Variants in VPS29 observed in about 807,000 individuals in gnomAD.
VPS29 encodes the protein vacuolar protein sorting-associated protein 29.
In VPS29, 2 loss-of-function variants were observed where a neutral mutation model predicts 20.0. The ratio of observed to expected loss-of-function variants is 0.10; its 90% CI spans 0.04 to 0.31. The LOEUF (loss-of-function observed/expected upper bound fraction) is 0.31. Ranked by LOEUF, VPS29 falls within the 10% of genes least tolerant of loss-of-function variation. VPS29 has a pLI of 1.00. For missense variants in VPS29, 120 were observed against 215.3 expected (o/e 0.56, Z 2.77); for synonymous variants, 81 against 79.3 (o/e 1.02, Z -0.12).
intron 1 of VPS29, among the ~76,000 whole-genome samples, chr12:110,498,252 G>A (rs996987050): frequency 1.4e-4 from 21 of 152,132 alleles, no homozygotes; most frequent in Non-Finnish European, 1.5e-5. Flanking sequence ...GATTATAGGC[G>A]TGAGCCACTG....
At chr12:110,492,913 C>T in intron 3 of VPS29, 83 bp downstream of exon 3, 4 of 1,288,592 alleles carry the variant, frequency 3.1e-6, no homozygotes, top group Non-Finnish European at 3.2e-6. Context: ...AGCCACTGTG[C>T]CCAGCCACAT....
intron 1 of VPS29, 171 bp from the exon 2 acceptor site, chr12:110,496,374 G>A (rs963448120): frequency 3.8e-5 from 21 of 558,654 alleles, no homozygotes; most frequent in African/African-American, 9.4e-5. Context: ...GAATCTGTAC[G>A]TATTTTTCTT....
Position 110,491,983 on chromosome 12 carries a change from AATC to A in VPS29, c.*19_*21del. On this transcript the variant is annotated 3_prime_UTR_variant, in exon 4 of 4. Transcript: ENST00000549578. The stretch of plus-strand genomic sequence containing the variant: ...AACAGGACAATGAAAAAAAACCAAA[AATC>A]ATCAAGACAGGCCTGGCTTTAAGGT... 6.3e-7 allele frequency: 1 copy of A among 1,593,378 alleles called. No homozygotes were observed. The highest frequency in any genetic ancestry group is 8.6e-7 in the Non-Finnish European group (1 of 1,166,430).
chr12:110,495,929 G>A, intron 2 of VPS29, 83 bp downstream of exon 2: 2 of 1,284,456 alleles, frequency 1.6e-6, no homozygotes, highest in Non-Finnish European at 2.1e-6. Context: ...TACCAGTTGA[G>A]AAACCCTGGT....
Position 110,501,286 on chromosome 12 carries a change from G to A in VPS29, c.3+763C>T, listed in dbSNP as rs2063032405. ...GCACCAAACTACTGGGGGTGAAGGG[G>A]TGATTGCTTGAAGGTGGCTGGGGGA... On this transcript the variant is annotated intron_variant, in intron 1 of 3. Coordinates refer to ENST00000549578, the MANE Select transcript of VPS29 (RefSeq NM_016226.5). 3 of 1,194,156 alleles carry A rather than the reference G, an allele frequency of 2.5e-6. No homozygotes were observed. The East Asian group carries it at 7.6e-5, about 30-fold the overall frequency. 74.0% of individuals were successfully genotyped at this position (1,194,156 alleles called of 1,614,324 possible).
chr12:110,491,848 A>G lies in VPS29; in HGVS notation c.*157T>C, dbSNP rs2135563426. 1 of 615,674 alleles carries G rather than the reference A, an allele frequency of 1.6e-6. No individual in the cohort carries two copies. The highest frequency in any genetic ancestry group is 1.9e-5 in the African/African-American group (1 of 53,972). 38.1% of individuals were successfully genotyped at this position (615,674 alleles called of 1,614,324 possible). ...TAAATATATTCTTATAGTTTACAGG[A>G]AGCTTGGAGCAATTATGTATTAACA... On this transcript the variant is annotated 3_prime_UTR_variant, in exon 4 of 4. Transcript: ENST00000549578.
chr12:110,491,756 T>G lies in VPS29; in HGVS notation c.*249A>C, dbSNP rs1222576206. The G allele has an allele frequency of 2.8e-6, 1 of 362,098 alleles. No individual in the cohort carries two copies. The highest frequency in any genetic ancestry group is 4.9e-6 in the Non-Finnish European group (1 of 202,184). 22.4% of individuals were successfully genotyped at this position (362,098 alleles called of 1,614,324 possible). A position where few individuals can be genotyped will look rare whatever the true frequency, so the allele number is the denominator to read the frequency against. ...CTTTGAAGATACTTACAAGGATAAA[T>G]TTTTCTTAACAAGTGACCAATTACT... On this transcript the variant is annotated 3_prime_UTR_variant, in exon 4 of 4. Coordinates refer to ENST00000549578, the MANE Select transcript of VPS29 (RefSeq NM_016226.5).
chr12:110,501,322 G>T, intron 1 of VPS29: 1 of 1,492,456 alleles, frequency 6.7e-7, no homozygotes, highest in Non-Finnish European at 9.0e-7. Flanking sequence ...GACTAGGTAA[G>T]TCTCCAACAC....
At chr12:110,492,969 C>G (rs1437079314) in intron 3 of VPS29, 27 bp downstream of exon 3, 1 of 1,567,226 alleles carries the variant, frequency 6.4e-7, no homozygotes, top group Non-Finnish European at 8.7e-7. Context: ...CTAAAGCCCC[C>G]AAATTCCCAA....
chr12:110,493,843 T>C (rs970747709), intron 2 of VPS29, among the ~76,000 whole-genome samples: 2 of 152,196 alleles, frequency 1.3e-5, no homozygotes, highest in Non-Finnish European at 2.9e-5. Context: ...GTGATTTTCC[T>C]TTACCTAAGG....
intron 3 of VPS29, 199 bp downstream of exon 3, chr12:110,492,797 A>T: frequency 2.1e-6 from 1 of 482,562 alleles, no homozygotes; most frequent in Non-Finnish European, 3.6e-6. Flanking sequence ...AATTTTTAAA[A>T]TTTTTTTGTA....
In VPS29 at chr12:110,495,339, T is replaced by A. The variant is rs575771826; in HGVS notation, c.195+673A>T. On this transcript the variant is annotated intron_variant, in intron 2 of 3. Transcript: ENST00000549578. ...AAGGAGCAAGGGTAGAATTAGGAAG[T>A]TGGAATACAAGAAAATGATACAGTG... Among the ~76,000 whole-genome samples the A allele has an allele frequency of 2.0e-5, 3 of 152,252 alleles. No homozygotes were observed. In the South Asian group the frequency reaches 6.2e-4, roughly 32 times the overall value.
chr12:110,498,485 T>C (rs2062943739), intron 1 of VPS29, among the ~76,000 whole-genome samples: 1 of 152,138 alleles, frequency 6.6e-6, no homozygotes, highest in Non-Finnish European at 1.5e-5. Context: ...TGAAAATTAA[T>C]CAAACAAACA....
chr12:110,493,808 G>A (rs971522001), intron 2 of VPS29, among the ~76,000 whole-genome samples: 4 of 152,138 alleles, frequency 2.6e-5, no homozygotes, highest in African/African-American at 9.7e-5. Flanking sequence ...TGCGCATGCT[G>A]TAAATAATTA....
Position 110,496,074 on chromosome 12 carries a change from T to A in VPS29, c.133A>T (p.Ser45Cys). The A allele has an allele frequency of 6.2e-7, 1 of 1,613,268 alleles. No homozygotes were observed. The highest frequency in any genetic ancestry group is 8.5e-7 in the Non-Finnish European group (1 of 1,179,340). Residue 45 changes from serine (S) to cysteine (C), a missense_variant, in exon 2 of 4, where the codon AGT (serine) becomes TGT (cysteine). Coordinates refer to ENST00000549578, the MANE Select transcript of VPS29 (RefSeq NM_016226.5). The part of the protein sequence containing the change: ...LCTGNLCTKE[S>C]YDYLKTLAGD... ...GCCAGAGTCTTGAGATAGTCATAAC[T>A]CTCTTTGGTGCAAAGGTTTCCTGTG...
intron 2 of VPS29, among the ~76,000 whole-genome samples, chr12:110,495,748 C>T (rs938953650): frequency 4.0e-5 from 6 of 151,808 alleles, no homozygotes; most frequent in Admixed American, 6.6e-5. Flanking sequence ...ATAAATTAAA[C>T]GACAGCATAA....
chr12:110,501,883 T>C (rs756684407), intron 1 of VPS29, 166 bp downstream of exon 1: 9 of 1,502,802 alleles, frequency 6.0e-6, no homozygotes, highest in Non-Finnish European at 8.1e-6. Context: ...GGCCGCTCCC[T>C]TCCTTCCCTA....
intron 1 of VPS29, chr12:110,499,626 C>G: frequency 9.9e-7 from 1 of 1,012,078 alleles, no homozygotes; most frequent in Admixed American, 2.8e-5. Context: ...TAAAAGAAAG[C>G]AACAAAAAGA....
Position 110,491,965 on chromosome 12 carries a change from C to A in VPS29, c.*40G>T. 1 of 1,438,090 alleles carries A rather than the reference C, an allele frequency of 7.0e-7. No homozygotes were observed. The highest frequency in any genetic ancestry group is 9.7e-7 in the Non-Finnish European group (1 of 1,026,398). 89.1% of individuals were successfully genotyped at this position (1,438,090 alleles called of 1,614,324 possible). A position where few individuals can be genotyped will look rare whatever the true frequency, so the allele number is the denominator to read the frequency against. ...GTTTAATTACTTGATTTCAACAGGA[C>A]AATGAAAAAAAACCAAAAATCATCA... On this transcript the variant is annotated 3_prime_UTR_variant, in exon 4 of 4. Transcript: ENST00000549578.
Sources: gnomAD v4.1 joint callset for allele counts (sites outside exome capture counted in the v4.1 genomes callset) on GRCh38, gnomAD v4.1.1 for gene constraint, MANE v1.5 for transcripts, NCBI Gene and HGNC (gene_info 2026-07-23, HGNC 2026-07-21) for gene names.